Variants in CACNA1G observed in about 807,000 individuals in gnomAD.
CACNA1G encodes voltage-dependent T-type calcium channel subunit alpha-1G.
Under a neutral mutation model 219.4 loss-of-function variants are expected in CACNA1G, and 67 were observed. That is an observed-to-expected ratio of 0.31 (90% CI 0.25 to 0.37). The LOEUF is 0.37. Ranked by LOEUF, CACNA1G falls within the 10% of genes least tolerant of loss-of-function variation. CACNA1G has a pLI of 1.00. For synonymous variants in CACNA1G, 1,296 were observed against 1,345.3 expected, an observed-to-expected ratio of 0.96 and a Z score of 0.80; for missense variants, 2,380 against 3,231.4, an observed-to-expected ratio of 0.74 and a Z score of 6.39.
chr17:50,568,802 G>A, intron 1 of CACNA1G, 68 bp from the exon 2 acceptor site: 1 of 1,235,614 alleles, frequency 8.1e-7, no homozygotes, highest in Non-Finnish European at 1.2e-6. Context: ...AGGAGGAGGT[G>A]TTAGGGCGGG....
intron 9 of CACNA1G, 109 bp from the exon 10 acceptor site, chr17:50,590,362 A>T: frequency 7.9e-7 from 1 of 1,258,886 alleles, no homozygotes; most frequent in Non-Finnish European, 1.1e-6. Context: ...ACCCCTCCGC[A>T]CAAGCTTGCT....
chr17:50,614,196 T>C (rs561712533), intron 26 of CACNA1G, among the ~76,000 whole-genome samples: 10 of 152,346 alleles, frequency 6.6e-5, no homozygotes, highest in Middle Eastern at 6.8e-3. Flanking sequence ...TCAATGGTCC[T>C]GTGCATGGGA....
Position 50,579,397 on chromosome 17 carries a change from G to T in CACNA1G, c.2301+833G>T, listed in dbSNP as rs376581213. 2.6e-5 allele frequency among the ~76,000 whole-genome samples: 4 copies of T among 152,088 alleles called. No individual in the cohort carries two copies. In the East Asian group the frequency reaches 7.7e-4, roughly 29 times the overall value. Reference sequence around the variant, plus strand: ...TGCAGAGATAGAAAGGGTAGCCTGGGGGACCCCACTGATCCCCCATCATGA... The same window carrying T: ...TGCAGAGATAGAAAGGGTAGCCTGGTGGACCCCACTGATCCCCCATCATGA... On this transcript the variant is annotated intron_variant, in intron 9 of 37. Transcript: ENST00000359106.
chr17:50,604,282 G>A lies in CACNA1G; in HGVS notation c.4296+1G>A. 6.2e-7 allele frequency: 1 copy of A among 1,613,438 alleles called. No individual in the cohort carries two copies. The highest frequency in any genetic ancestry group is 8.5e-7 in the Non-Finnish European group (1 of 1,179,462). ...CATTTTCGGCATCTTGGGGGTGCAGGTGTGTGGGGTTCTGGGGGCCAGCTG... is the reference window on the plus strand; with the variant it reads ...CATTTTCGGCATCTTGGGGGTGCAGATGTGTGGGGTTCTGGGGGCCAGCTG... On this transcript the variant is annotated splice_donor_variant, in intron 22 of 37. Coordinates refer to ENST00000359106, the MANE Select transcript of CACNA1G (RefSeq NM_018896.5). LOFTEE classifies it high-confidence loss of function.
rs112103284 is a variant in CACNA1G, at chr17:50,578,474, A to T, written c.2211A>T (p.Arg737=). ...AFWRLICDTF[R]KIVDSKYFGR... ...GGAGGCTAATCTGTGACACCTTCCG[A>T]AAGATTGTGGACAGCAAGTACTTTG... The change falls in exon 9 of 38, where the codon CGA becomes CGT. Residue 737 remains arginine, a synonymous_variant. Transcript: ENST00000359106. This position sits in a 1 kb window ranked among gnomAD's most constrained non-coding sequence, Gnocchi z 4.5. 184 of 1,595,944 alleles carry T rather than the reference A, an allele frequency of 1.2e-4. No individual in the cohort carries two copies. In the African/African-American group the frequency reaches 2.0e-3, roughly 17 times the overall value.
Position 50,626,601 on chromosome 17 carries a change from T to C in CACNA1G, c.6984T>C (p.Gly2328=), listed in dbSNP as rs770258719. Residue 2328 remains glycine (G), a synonymous_variant, in exon 38 of 38, where the codon GGT becomes GGC. Coordinates refer to ENST00000359106, the MANE Select transcript of CACNA1G (RefSeq NM_018896.5). The surrounding 1 kb of genome is among the most constrained non-coding windows in gnomAD (Gnocchi z 4.3). ...SQGPRTPPSP[G]ICLRRRAPSS... ...GTCCTCGGACCCCGCCCAGCCCTGG[T>C]ATCTGCCTCCGGAGGAGGGCTCCGT... The C allele has an allele frequency of 9.9e-6, 16 of 1,611,880 alleles. 1 individual carries two copies. The highest frequency in any genetic ancestry group is 9.9e-5 in the South Asian group (9 of 90,928).
chr17:50,614,909 C>T (rs1306359440), intron 26 of CACNA1G, among the ~76,000 whole-genome samples: 2 of 152,254 alleles, frequency 1.3e-5, no homozygotes, highest in Non-Finnish European at 2.9e-5. Context: ...GTAATCTCCT[C>T]TGCTCCCCCG....
chr17:50,588,470 C>T (rs986584767), intron 9 of CACNA1G, among the ~76,000 whole-genome samples: 4 of 114,310 alleles, frequency 3.5e-5, no homozygotes, highest in Admixed American at 1.8e-4. Flanking sequence ...CCCTGGCAGA[C>T]CGGACTTGGA....
chr17:50,583,461 A>G (rs1443277138), intron 9 of CACNA1G, among the ~76,000 whole-genome samples: 3 of 152,222 alleles, frequency 2.0e-5, no homozygotes, highest in Non-Finnish European at 4.4e-5. Context: ...GGGCTGAGCC[A>G]GAAACACCCA....
chr17:50,612,303 G>A lies in CACNA1G; in HGVS notation c.4759+2368G>A, dbSNP rs188857865. Reference sequence around the variant, plus strand: ...GCTCCCAGCAGGGGCGGGAGAGCCAGACCCTAGGGAAAGGCAGAAGAGCGG... The same window carrying A: ...GCTCCCAGCAGGGGCGGGAGAGCCAAACCCTAGGGAAAGGCAGAAGAGCGG... On this transcript the variant is annotated intron_variant, in intron 26 of 37. Coordinates refer to ENST00000359106, the MANE Select transcript of CACNA1G (RefSeq NM_018896.5). Among the ~76,000 whole-genome samples, 995 of 152,368 alleles carry A rather than the reference G, an allele frequency of 6.5e-3. 9 individuals carry two copies. Among genetic ancestry groups the A allele is most frequent in the African/African-American group, 0.024 (978 of 41,594 alleles).
chr17:50,585,239 G>C (rs1286648556), intron 9 of CACNA1G, among the ~76,000 whole-genome samples: 2 of 152,088 alleles, frequency 1.3e-5, no homozygotes, highest in Non-Finnish European at 2.9e-5. Context: ...TGGAACTTCT[G>C]GGCTCAAGCG....
At chr17:50,602,961 G>A (rs775568788) in intron 20 of CACNA1G, 54 bp from the exon 21 acceptor site, 1 of 1,593,222 alleles carries the variant, frequency 6.3e-7, no homozygotes, top group Non-Finnish European at 8.6e-7. Flanking sequence ...CTGAGGGTGG[G>A]AGGGTTGGCT....
Position 50,618,120 on chromosome 17 carries a change from G to A in CACNA1G, c.5299G>A (p.Asp1767Asn). The A allele has an allele frequency of 6.2e-7, 1 of 1,613,892 alleles. No homozygotes were observed. The highest frequency in any genetic ancestry group is 8.5e-7 in the Non-Finnish European group (1 of 1,179,858). ...AGCTCTGGGCGTGGAGCTCTTTGGA[G>A]ACCTGGGTGAGTTGGGGTAGGGGAG... is the stretch of plus-strand genomic sequence containing the variant. ...FAALGVELFG[D>N]LECDETHPCE... is the part of the protein sequence containing the mutation. The change falls in exon 31 of 38, where the codon GAC becomes AAC. Residue 1767 changes from aspartate (D) to asparagine (N), a missense_variant. Physicochemically the swap from Asp to Asn is conservative, Grantham distance 23. This residue lies in a region of CACNA1G where 123 missense variants were observed against 258.4 expected (regional missense o/e 0.48). Coordinates refer to ENST00000359106, the MANE Select transcript of CACNA1G (RefSeq NM_018896.5). This position sits in a 1 kb window ranked among gnomAD's most constrained non-coding sequence, Gnocchi z 5.3.
At chr17:50,609,834 A>C in intron 25 of CACNA1G, 48 bp from the exon 26 acceptor site, 1 of 1,580,400 alleles carries the variant, frequency 6.3e-7, no homozygotes, top group Non-Finnish European at 8.6e-7. Context: ...GGCCCTGCCC[A>C]GCGCACCTGG....
intron 1 of CACNA1G, among the ~76,000 whole-genome samples, chr17:50,567,366 G>T (rs564478283): frequency 6.6e-6 from 1 of 152,150 alleles, no homozygotes; most frequent in Non-Finnish European, 1.5e-5. Flanking sequence ...GGCCTGGGTG[G>T]TGGAGAAGAG....
intron 25 of CACNA1G, among the ~76,000 whole-genome samples, chr17:50,608,797 C>T (rs770979914): frequency 1.3e-5 from 2 of 152,082 alleles, no homozygotes; most frequent in Non-Finnish European, 2.9e-5. Context: ...ACACAGCAGG[C>T]GCCCAGGCCC....
rs1357323056 is a variant in CACNA1G, at chr17:50,618,603, A to T, written c.5428-52A>T. 2.2e-6 allele frequency: 3 copies of T among 1,393,604 alleles called. No homozygotes were observed. In the Admixed American group the frequency reaches 5.4e-5, roughly 25 times the overall value. 86.3% of individuals were successfully genotyped at this position (1,393,604 alleles called of 1,614,324 possible). On this transcript the variant is annotated intron_variant, in intron 32 of 37. Transcript: ENST00000359106. This position sits in a 1 kb window ranked among gnomAD's most constrained non-coding sequence, Gnocchi z 5.3. Reference sequence around the variant, plus strand: ...CACCAGTGACCTGATTTTCCACAACAGCTCCAACAACTGTCCTCCCCAGCC... The same window carrying T: ...CACCAGTGACCTGATTTTCCACAACTGCTCCAACAACTGTCCTCCCCAGCC...
intron 26 of CACNA1G, among the ~76,000 whole-genome samples, chr17:50,615,118 G>A (rs891798436): frequency 6.6e-6 from 1 of 152,116 alleles, no homozygotes; most frequent in African/African-American, 2.4e-5. Context: ...AATGTAGGTG[G>A]GGGGCTCTGC....
At chr17:50,594,913 C>T (rs2045190346) in intron 13 of CACNA1G, 80 bp from the exon 14 acceptor site, 1 of 1,077,610 alleles carries the variant, frequency 9.3e-7, no homozygotes, top group Non-Finnish European at 1.4e-6. Flanking sequence ...TTTCTTCATC[C>T]TCTCTCGACA....
Sources: gnomAD v4.1 joint callset for allele counts (sites outside exome capture counted in the v4.1 genomes callset) on GRCh38, gnomAD v4.1.1 for gene constraint, gnomAD v4.1.1 regional missense constraint, Gnocchi (gnomAD v3.1) non-coding constraint, MANE v1.5 for transcripts, NCBI Gene and HGNC (gene_info 2026-07-23, HGNC 2026-07-21) for gene names.